ZFHX2: variants seen among roughly 807,000 people sequenced by gnomAD.
ZFHX2 encodes zinc finger homeobox 2.
In ZFHX2, 75 loss-of-function variants were observed where a neutral mutation model predicts 164.8. The ratio of observed to expected loss-of-function variants is 0.46; its 90% confidence interval spans 0.38 to 0.55. ZFHX2 has a LOEUF of 0.55. ZFHX2 is among the 20% of genes least tolerant of loss of function. The pLI is 0.00. For synonymous variants in ZFHX2, 1,217 were observed against 1,351.4 expected (o/e 0.90, Z 2.18); for missense variants, 2,933 against 3,308.0 (o/e 0.89, Z 2.78).
intron 1 of ZFHX2, among the ~76,000 whole-genome samples, chr14:23,537,860 A>G (rs1396730420): frequency 2.0e-5 from 3 of 151,950 alleles, no homozygotes; most frequent in Admixed American, 6.6e-5. Context: ...CCCTTCCACT[A>G]CCCCACCTGG....
chr14:23,543,424 G>A (rs1881039267), intron 1 of ZFHX2: 1 of 152,262 alleles, frequency 6.6e-6, no homozygotes, highest in Non-Finnish European at 1.5e-5. Flanking sequence ...TGGCTGGTAT[G>A]CATTTTGAAT....
intron 1 of ZFHX2, among the ~76,000 whole-genome samples, chr14:23,542,632 T>C (rs984211717): frequency 6.6e-6 from 1 of 152,212 alleles, no homozygotes; most frequent in African/African-American, 2.4e-5. Context: ...ACCCTTCTTC[T>C]GTATGAGCAC....
chr14:23,535,442 T>G lies in ZFHX2; in HGVS notation c.-49-68A>C. On this transcript the variant is annotated intron_variant, in intron 1 of 9. Transcript: ENST00000419474. This position sits in a 1 kb window ranked among gnomAD's most constrained non-coding sequence, Gnocchi z 4.5. ...GACCCCAGCTGGGCAGCTGGATCTC[T>G]GGATACTCCTGCCCCATCCTCTTCC... 5.4e-6 allele frequency: 7 copies of G among 1,293,196 alleles called. No individual in the cohort carries two copies. The highest frequency in any genetic ancestry group is 7.1e-6 in the Non-Finnish European group (7 of 987,062). The allele number at this position is 1,293,196 out of a possible 1,614,324, so 80.1% of individuals were successfully genotyped here. A position where few individuals can be genotyped will look rare whatever the true frequency, so the allele number is the denominator to read the frequency against.
rs766572697 is a variant in ZFHX2 at position 23,522,236 on chromosome 14, C to G, written c.7445G>C (p.Gly2482Ala). ...CACCCGCAATGGGGGTGGCATGGAGCCCCCAGAGCCCCGCCCAAAGAAGCA... is the reference window on the plus strand; with the variant it reads ...CACCCGCAATGGGGGTGGCATGGAGGCCCCAGAGCCCCGCCCAAAGAAGCA... The part of the protein sequence containing the change: ...SFCFFGRGSG[G>A]SMPPPLRVPI... Residue 2482 changes from glycine to alanine, a missense_variant, in exon 10 of 10, where the codon GGC becomes GCC. Physicochemically the swap from Gly to Ala is moderately conservative, Grantham distance 60. Coordinates refer to ENST00000419474, the MANE Select transcript of ZFHX2 (RefSeq NM_033400.3). The G allele has an allele frequency of 1.4e-6, 2 of 1,474,818 alleles. No individual in the cohort carries two copies. Among genetic ancestry groups the G allele is most frequent in the East Asian group, 4.9e-5 (2 of 40,412 alleles). 91.4% of individuals were successfully genotyped at this position (1,474,818 alleles called of 1,614,324 possible).
intron 3 of ZFHX2, chr14:23,531,925 C>T (rs184775376): frequency 8.8e-5 from 49 of 557,968 alleles, no homozygotes; most frequent in Admixed American, 1.3e-4. Flanking sequence ...TACAGGCATG[C>T]GCACCACACC....
At chr14:23,552,025 T>G (rs1882004054), upstream of ZFHX2, among the ~76,000 whole-genome samples, 1 of 152,192 alleles carries the variant, frequency 6.6e-6, no homozygotes, top group South Asian at 2.1e-4. Flanking sequence ...TGTGTTTTGT[T>G]GTTTTGTTTT....
chr14:23,534,883 C>T lies in ZFHX2; in HGVS notation c.443G>A (p.Gly148Asp). ...GGGCAGACTGGGCTCTTCCTTGATG[C>T]CCGCCTCACCCCAGGGGAAGCCCTT... is the stretch of plus-strand genomic sequence containing the variant. ...LPKGFPWGEAGIKEEPSLPFL... is the reference protein window; with the variant it reads ...LPKGFPWGEADIKEEPSLPFL... The change falls in exon 2 of 10, where the codon GGC becomes GAC. Residue 148 changes from glycine (G) to aspartate (D), a missense_variant. Coordinates refer to ENST00000419474, the MANE Select transcript of ZFHX2 (RefSeq NM_033400.3). This position sits in a 1 kb window ranked among gnomAD's most constrained non-coding sequence, Gnocchi z 4.5. The T allele has an allele frequency of 6.5e-7, 1 of 1,536,108 alleles. No homozygotes were observed. The highest frequency in any genetic ancestry group is 1.2e-5 in the South Asian group (1 of 84,058).
chr14:23,526,113 G>C lies in ZFHX2; in HGVS notation c.3829C>G (p.Arg1277Gly), dbSNP rs1471618671. The C allele has an allele frequency of 2.0e-6, 3 of 1,536,448 alleles. No individual in the cohort carries two copies. Among genetic ancestry groups the C allele is most frequent in the South Asian group, 1.2e-5 (1 of 84,052 alleles). ...ATCTTGGAATCAGTCTTGGTTCCCC[G>C]AGAGCGAGTCTGATGCAGAACTGAC... The part of the protein sequence containing the change: ...MRSVLHQTRS[R>G]GTKTDSKIEG... Residue 1277 changes from arginine to glycine, a missense_variant, in exon 9 of 10, where the codon CGG (arginine) becomes GGG (glycine). Coordinates refer to ENST00000419474, the MANE Select transcript of ZFHX2 (RefSeq NM_033400.3).
Position 23,524,809 on chromosome 14 carries a change from C to T in ZFHX2, c.5133G>A (p.Glu1711=), listed in dbSNP as rs1314800490. 4.6e-6 allele frequency: 7 copies of T among 1,536,932 alleles called. No homozygotes were observed. The East Asian group carries it at 1.7e-4, about 38-fold the overall frequency. ...CTACTTCTTCTTCTTCCACCTCTTC[C>T]TCCTCTTCCCCTCTCTCTGCCTCTT... ...EEEEAERGEE[E]EEVEEEEVEE... Residue 1711 remains glutamate, a synonymous_variant, in exon 9 of 10, where the codon GAG becomes GAA. Coordinates refer to ENST00000419474, the MANE Select transcript of ZFHX2 (RefSeq NM_033400.3). This position sits in a 1 kb window ranked among gnomAD's most constrained non-coding sequence, Gnocchi z 5.6.
In ZFHX2 at chr14:23,526,116, A is replaced by G. The variant is rs1181559508; in HGVS notation, c.3826T>C (p.Ser1276Pro). The change falls in exon 9 of 10, where the codon TCT becomes CCT. Residue 1276 changes from serine (S) to proline (P), a missense_variant. Physicochemically the swap from Ser to Pro is moderately conservative, Grantham distance 74. Transcript: ENST00000419474. ...HMRSVLHQTR[S>P]RGTKTDSKIE... ...TTGGAATCAGTCTTGGTTCCCCGAG[A>G]GCGAGTCTGATGCAGAACTGACCGC... The G allele has an allele frequency of 1.3e-6, 2 of 1,536,172 alleles. No homozygotes were observed. Among genetic ancestry groups the G allele is most frequent in the East Asian group, 4.9e-5 (2 of 40,890 alleles).
Position 23,522,831 on chromosome 14 carries a change from C to T in ZFHX2, c.6850G>A (p.Asp2284Asn), listed in dbSNP as rs1033692675. 1.2e-5 allele frequency: 18 copies of T among 1,534,354 alleles called. No homozygotes were observed. Among genetic ancestry groups the T allele is most frequent in the African/African-American group, 1.1e-4 (8 of 72,976 alleles). The change falls in exon 10 of 10, where the codon GAC becomes AAC. Residue 2284 changes from aspartate (D) to asparagine (N), a missense_variant. Transcript: ENST00000419474. ...GRPLPQRPMPDQTNTSTAGTT... is the reference protein window; with the variant it reads ...GRPLPQRPMPNQTNTSTAGTT... ...CCTGCTGTGGAGGTGTTGGTTTGGT[C>T]GGGCATGGGTCTCTGAGGTAAGGGG...
At chr14:23,553,665 C>G (rs955159284), upstream of ZFHX2, among the ~76,000 whole-genome samples, 1 of 151,570 alleles carries the variant, frequency 6.6e-6, no homozygotes, top group African/African-American at 2.4e-5. Context: ...GAGGTGGAGG[C>G]GGGTGGATCA....
rs1016090400 is a variant in ZFHX2 at position 23,522,000 on chromosome 14, G to T, written c.7681C>A (p.Pro2561Thr). The stretch of plus-strand genomic sequence containing the variant: ...AGTGTAGAGGTAGTCGTAGTTTTTG[G>T]GTTGGAGTCCGTGTGAGGTAATCTT... ...EARLPHTDSN[P>T]KTTTTSTLLA... Residue 2561 changes from proline to threonine, a missense_variant, in exon 10 of 10, where the codon CCA becomes ACA. Physicochemically the swap from Pro to Thr is conservative, Grantham distance 38 (BLOSUM62 -1). Transcript: ENST00000419474. The T allele has an allele frequency of 6.5e-7, 1 of 1,536,368 alleles. No homozygotes were observed. Among genetic ancestry groups the T allele is most frequent in the East Asian group, 2.4e-5 (1 of 40,918 alleles).
rs1183018570 is a variant in ZFHX2 at position 23,525,354 on chromosome 14, G to T, written c.4588C>A (p.Leu1530Ile). ...RKSYDSLYPP[L>I]AEPPKPPDGS... ...TCAGGAGGTTTGGGAGGCTCTGCAA[G>T]GGGCGGGTATAGGCTGTCATAGCTC... The change falls in exon 9 of 10, where the codon CTT (leucine) becomes ATT (isoleucine). Residue 1530 changes from leucine (L) to isoleucine (I), a missense_variant. Physicochemically the swap from Leu to Ile is conservative, Grantham distance 5. Transcript: ENST00000419474. This position sits in a 1 kb window ranked among gnomAD's most constrained non-coding sequence, Gnocchi z 5.9. 6.5e-7 allele frequency: 1 copy of T among 1,536,062 alleles called. No individual in the cohort carries two copies. Among genetic ancestry groups the T allele is most frequent in the African/African-American group, 1.4e-5 (1 of 73,050 alleles).
chr14:23,523,836 A>C lies in ZFHX2; in HGVS notation c.6106T>G (p.Ser2036Ala). 1 of 1,536,190 alleles carries C rather than the reference A, an allele frequency of 6.5e-7. No homozygotes were observed. Among genetic ancestry groups the C allele is most frequent in the Non-Finnish European group, 8.7e-7 (1 of 1,146,924 alleles). The part of the protein sequence containing the change: ...SAGDLSDSSA[S>A]SLAEPESPGA... ...GGGGATTCTGGTTCAGCTAGGCTGG[A>C]AGCAGATGAATCACTCAGATCTCCT... is the stretch of plus-strand genomic sequence containing the variant. Residue 2036 changes from serine (S) to alanine (A), a missense_variant, in exon 9 of 10, where the codon TCC becomes GCC. Physicochemically the swap from Ser to Ala is moderately conservative, Grantham distance 99. Coordinates refer to ENST00000419474, the MANE Select transcript of ZFHX2 (RefSeq NM_033400.3). The surrounding 1 kb of genome is among the most constrained non-coding windows in gnomAD (Gnocchi z 4.1).
chr14:23,527,901 C>CTTTTTT (rs745574496), intron 6 of ZFHX2, 97 bp from the exon 7 acceptor site: 3 of 448,948 alleles, frequency 6.7e-6, no homozygotes, highest in African/African-American at 2.8e-5. Flanking sequence ...GCCCCCACTC[C>CTTTTTT]TTTTTTTTTT....
chr14:23,526,999 T>G (rs1878807574), intron 7 of ZFHX2, 26 bp from the exon 8 acceptor site: 1 of 1,480,944 alleles, frequency 6.8e-7, no homozygotes, highest in Non-Finnish European at 8.9e-7. Context: ...GCCTAGTGGC[T>G]TCACCACCAC....
chr14:23,549,223 C>T, intron 1 of ZFHX2, among the ~76,000 whole-genome samples: 1 of 152,126 alleles, frequency 6.6e-6, no homozygotes, highest in East Asian at 1.9e-4. Context: ...TGGTTCCTCC[C>T]CTGCCCCCGA....
In ZFHX2 at chr14:23,525,139, C is replaced by T. The variant is rs899768353; in HGVS notation, c.4803G>A (p.Lys1601=). The change falls in exon 9 of 10, where the codon AAG becomes AAA. Residue 1601 remains lysine, a synonymous_variant. Transcript: ENST00000419474. The surrounding 1 kb of genome is among the most constrained non-coding windows in gnomAD (Gnocchi z 5.9). ...VPAGRRFSRT[K]FTEFQTQALQ... is the part of the protein sequence containing the mutation. ...GGGCTTGGGTCTGGAACTCTGTGAA[C>T]TTGGTTCTGGAGAACCGGCGGCCGG... 210 of 1,536,078 alleles carry T rather than the reference C, an allele frequency of 1.4e-4. No individual in the cohort carries two copies. Among genetic ancestry groups the T allele is most frequent in the Non-Finnish European group, 1.6e-4 (180 of 1,146,934 alleles).
Sources: allele counts gnomAD v4.1 joint callset (sites outside exome capture counted in the v4.1 genomes callset), GRCh38; gene constraint gnomAD v4.1.1; non-coding constraint Gnocchi (gnomAD v3.1); transcripts MANE v1.5; gene names NCBI Gene and HGNC (gene_info 2026-07-23, HGNC 2026-07-21).